Variants in RNF6 observed in about 807,000 individuals in gnomAD.
The protein encoded by RNF6 is ring finger protein 6, also known as E3 ubiquitin-protein ligase RNF6.
Under a neutral mutation model 50.1 loss-of-function variants are expected in RNF6, and 21 were observed. The observed-to-expected ratio is 0.42, with a 90% CI of 0.30 to 0.60. The LOEUF is 0.60. Ranked by LOEUF, RNF6 falls within the 20% of genes least tolerant of loss-of-function variation. The probability of loss-of-function intolerance (pLI) is 0.20; values close to 1 mark genes in which losing one functional copy is unlikely to be tolerated. For missense variants in RNF6, 698 were observed against 838.2 expected (o/e 0.83, Z 2.07); for synonymous variants, 255 against 291.8 (o/e 0.87, Z 1.29).
intron 5 of RNF6, among the ~76,000 whole-genome samples, chr13:26,146,809 C>G (rs1487538620): frequency 3.9e-5 from 6 of 152,082 alleles, no homozygotes; most frequent in Admixed American, 2.0e-4. Context: ...GTGCCCACAC[C>G]CAAATCTCAT....
At chr13:26,153,542 A>G (rs906575167) in intron 5 of RNF6, among the ~76,000 whole-genome samples, 6 of 152,150 alleles carry the variant, frequency 3.9e-5, no homozygotes, top group African/African-American at 1.4e-4. Flanking sequence ...TAGGATATAG[A>G]TAGATTAATA....
In RNF6 at chr13:26,170,358, T is replaced by C. The variant is rs191446744; in HGVS notation, n.769-37907A>G. Among the ~76,000 whole-genome samples the C allele has an allele frequency of 2.6e-5, 4 of 152,306 alleles. No homozygotes were observed. The East Asian group carries it at 5.8e-4, about 22-fold the overall frequency. On this transcript the variant is annotated intron_variant and non_coding_transcript_variant, in intron 5 of 5. Coordinates refer to the RNF6 transcript ENST00000468480. ...TCAAAAGCACTTTGTTACCGAAGAA[T>C]TTCCCCTGACTCGTTGACGGTCCTA...
At chr13:26,175,733 C>T (rs1375164020) in intron 5 of RNF6, among the ~76,000 whole-genome samples, 1 of 152,098 alleles carries the variant, frequency 6.6e-6, no homozygotes, top group Non-Finnish European at 1.5e-5. Flanking sequence ...TCTACCTTCC[C>T]CTCAGCTTCC....
chr13:26,151,768 T>C (rs1031183158), intron 5 of RNF6, among the ~76,000 whole-genome samples: 9 of 152,174 alleles, frequency 5.9e-5, no homozygotes, highest in Non-Finnish European at 1.3e-4. Context: ...TATAACAATG[T>C]TAAAGGGAAT....
downstream of RNF6, among the ~76,000 whole-genome samples, chr13:26,209,682 T>G (rs1388838245): frequency 6.6e-6 from 1 of 152,176 alleles, no homozygotes; most frequent in East Asian, 1.9e-4. Context: ...GGGGAGAAGG[T>G]GAGCACATTT....
intron 5 of RNF6, among the ~76,000 whole-genome samples, chr13:26,186,509 C>T (rs1873540433): frequency 6.6e-6 from 1 of 152,206 alleles, no homozygotes; most frequent in Non-Finnish European, 1.5e-5. Flanking sequence ...CGCTTCGGAG[C>T]AGGTCTGTTA....
At chr13:26,204,778 T>C (rs1030752095) in intron 5 of RNF6, among the ~76,000 whole-genome samples, 1 of 152,144 alleles carries the variant, frequency 6.6e-6, no homozygotes, top group Non-Finnish European at 1.5e-5. Flanking sequence ...TAATTAAAAA[T>C]GAGAAATGCC....
intron 5 of RNF6, among the ~76,000 whole-genome samples, chr13:26,182,880 A>G (rs2137661981): frequency 6.6e-6 from 1 of 152,278 alleles, no homozygotes; most frequent in Middle Eastern, 3.4e-3. Flanking sequence ...AGAACCTATT[A>G]ACAGATTTGA....
intron 5 of RNF6, among the ~76,000 whole-genome samples, chr13:26,151,346 T>C (rs1243705930): frequency 6.6e-6 from 1 of 152,060 alleles, no homozygotes; most frequent in Non-Finnish European, 1.5e-5. Context: ...CACTGGAACC[T>C]CCACCTCCCA....
rs761094303 is a variant in RNF6 at position 26,189,901 on chromosome 13, G to A, written n.768+25573C>T. The stretch of plus-strand genomic sequence containing the variant: ...GACAGTTTAGCATTTTGGATTCTTA[G>A]ATCTGGAAAATATGGAAAATAGCCT... On this transcript the variant is annotated intron_variant and non_coding_transcript_variant, in intron 5 of 5. Coordinates refer to the RNF6 transcript ENST00000468480. Among the ~76,000 whole-genome samples the A allele has an allele frequency of 3.1e-4, 47 of 152,156 alleles. 1 individual carries two copies. Among genetic ancestry groups the A allele is most frequent in the Admixed American group, 4.6e-4 (7 of 15,278 alleles).
At chr13:26,171,418 T>C (rs560653733) in intron 5 of RNF6, among the ~76,000 whole-genome samples, 3 of 152,278 alleles carry the variant, frequency 2.0e-5, no homozygotes, top group East Asian at 1.9e-4. Flanking sequence ...CATTAAGATA[T>C]GGAGAAATTG....
intron 5 of RNF6, among the ~76,000 whole-genome samples, chr13:26,174,950 C>A (rs1191762864): frequency 1.3e-5 from 2 of 152,142 alleles, no homozygotes; most frequent in Non-Finnish European, 2.9e-5. Context: ...TCTTTAAAGG[C>A]CCTATTTCCA....
intron 5 of RNF6, among the ~76,000 whole-genome samples, chr13:26,171,152 T>C (rs1046116106): frequency 6.6e-6 from 1 of 152,224 alleles, no homozygotes; most frequent in African/African-American, 2.4e-5. Context: ...GCAAATTATG[T>C]ATCTGATAAG....
intron 5 of RNF6, among the ~76,000 whole-genome samples, chr13:26,172,825 G>A (rs1397844134): frequency 3.3e-5 from 5 of 152,094 alleles, no homozygotes; most frequent in African/African-American, 1.2e-4. Flanking sequence ...TTACAGGCGT[G>A]AGCCACCGCA....
intron 2 of RNF6, among the ~76,000 whole-genome samples, chr13:26,220,144 A>G (rs1870329334): frequency 1.3e-5 from 2 of 152,238 alleles, no homozygotes; most frequent in Non-Finnish European, 2.9e-5. Flanking sequence ...AAGGCTCATG[A>G]ATGTAATATT....
At chr13:26,188,374 C>CA (rs1209706394) in intron 5 of RNF6, among the ~76,000 whole-genome samples, 1 of 152,174 alleles carries the variant, frequency 6.6e-6, no homozygotes, top group Non-Finnish European at 1.5e-5. Context: ...AGAGGAAGGG[C>CA]AACTGACTCT....
downstream of RNF6, among the ~76,000 whole-genome samples, chr13:26,212,075 G>A (rs1869350196): frequency 6.6e-6 from 1 of 152,072 alleles, no homozygotes; most frequent in Non-Finnish European, 1.5e-5. Flanking sequence ...TAAAAATAAT[G>A]ATGTCTTTTA....
Position 26,151,350 on chromosome 13 carries a change from C to T in RNF6, n.769-18899G>A, listed in dbSNP as rs753085086. Among the ~76,000 whole-genome samples, 2 of 152,078 alleles carry T rather than the reference C, an allele frequency of 1.3e-5. 1 individual carries two copies. The highest frequency in any genetic ancestry group is 2.9e-5 in the Non-Finnish European group (2 of 68,018). ...CTATCTCAGCTCACTGGAACCTCCA[C>T]CTCCCAGGTTCAAGCGGTTCTCCTG... On this transcript the variant is annotated intron_variant and non_coding_transcript_variant, in intron 5 of 5. Coordinates refer to the RNF6 transcript ENST00000468480.
chr13:26,162,362 A>G (rs1872252927), intron 5 of RNF6, among the ~76,000 whole-genome samples: 1 of 152,206 alleles, frequency 6.6e-6, no homozygotes, highest in Non-Finnish European at 1.5e-5. Flanking sequence ...ACTATAGCCT[A>G]AACTCTCCCT....
Sources: allele counts gnomAD v4.1 joint callset (sites outside exome capture counted in the v4.1 genomes callset), GRCh38; gene constraint gnomAD v4.1.1; transcripts MANE v1.5; gene names NCBI Gene and HGNC (gene_info 2026-07-23, HGNC 2026-07-21).